Variants in BSDC1 observed in about 807,000 individuals in gnomAD.
BSDC1 encodes the protein BSD domain-containing protein 1.
Under a neutral mutation model 56.0 loss-of-function variants are expected in BSDC1, and 29 were observed. The observed-to-expected ratio is 0.52, with a 90% confidence interval of 0.39 to 0.71. The LOEUF is 0.71. Among genes scored for constraint, BSDC1 ranks in the 30% least tolerant of loss-of-function variants. The pLI is 0.00. For synonymous variants in BSDC1, 210 were observed against 215.3 expected (o/e 0.98, Z 0.21); for missense variants, 477 against 548.5 (o/e 0.87, Z 1.30).
chr1:32,376,301 C>T lies in BSDC1; in HGVS notation c.1117G>A (p.Asp373Asn), dbSNP rs763614691. The change falls in exon 9 of 11, where the codon GAT (aspartate) becomes AAT (asparagine). Residue 373 changes from aspartate to asparagine, a missense_variant. Transcript: ENST00000455895. Reference sequence around the variant, plus strand: ...TTGGAGGGTGTAGACTTCCCACTATCCGAGTTCAGCTCAAACACCCGTAAG... The same window carrying T: ...TTGGAGGGTGTAGACTTCCCACTATTCGAGTTCAGCTCAAACACCCGTAAG... ...TDLRVFELNS[D>N]SGKSTPSNNG... 6.3e-7 allele frequency: 1 copy of T among 1,576,722 alleles called. No individual in the cohort carries two copies. The highest frequency in any genetic ancestry group is 8.7e-7 in the Non-Finnish European group (1 of 1,155,344).
chr1:32,372,581 G>A (rs888609902), intron 9 of BSDC1, among the ~76,000 whole-genome samples: 1 of 152,228 alleles, frequency 6.6e-6, no homozygotes. Flanking sequence ...GAGCTGTGAA[G>A]CTGGGTTCTC....
At position 32,376,473 on chromosome 1, in the gene BSDC1, C is replaced by T; in HGVS notation, c.945G>A (p.Glu315=). The T allele has an allele frequency of 6.2e-7, 1 of 1,612,450 alleles. No individual in the cohort carries two copies. The highest frequency in any genetic ancestry group is 8.5e-7 in the Non-Finnish European group (1 of 1,178,752). ...CCACATCCACAGCCAGGCCCTGTTC[C>T]TCCAAGGATGCCTCTAGCAGCTTTT... ...LSQKLLEASL[E]EQGLAVDVGE... The change falls in exon 9 of 11, where the codon GAG becomes GAA. Residue 315 remains glutamate (E), a synonymous_variant. Transcript: ENST00000455895.
rs536651607 is a variant in BSDC1 at position 32,394,188 on chromosome 1, C to T, written c.12-48G>A. 7.6e-6 allele frequency: 12 copies of T among 1,588,724 alleles called. No homozygotes were observed. The East Asian group carries it at 1.4e-4, about 18-fold the overall frequency. On this transcript the variant is annotated intron_variant, in intron 1 of 10. Coordinates refer to ENST00000455895, the MANE Select transcript of BSDC1 (RefSeq NM_018045.8). ...GCAGCACCGCGGTGCGATTCCTGCC[C>T]GCCCAAGGATCCGGTTTGTTCCCCG...
intron 5 of BSDC1, among the ~76,000 whole-genome samples, chr1:32,379,978 G>A (rs565255050): frequency 6.6e-6 from 1 of 152,320 alleles, no homozygotes; most frequent in South Asian, 2.1e-4. Context: ...CTCTCTATGG[G>A]AGGGCTTTTT....
At chr1:32,391,148 CAA>C (rs944595311) in intron 2 of BSDC1, among the ~76,000 whole-genome samples, 1 of 151,976 alleles carries the variant, frequency 6.6e-6, no homozygotes, top group Non-Finnish European at 1.5e-5. Flanking sequence ...TCACAAATGC[CAA>C]GAGAGTAGCG....
rs558741156 is a variant in BSDC1, at chr1:32,366,239, G to A, written c.*383C>T. ...AGAGTATGTTGTCTCAGCTTCCTCC[G>A]AGAGAGACTGGTGGTTTAGCTTCTG... On this transcript the variant is annotated 3_prime_UTR_variant, in exon 11 of 11. Transcript: ENST00000455895. 6.0e-5 allele frequency: 23 copies of A among 381,990 alleles called. No individual in the cohort carries two copies. Among genetic ancestry groups the A allele is most frequent in the African/African-American group, 1.7e-4 (8 of 47,928 alleles). 23.7% of individuals were successfully genotyped at this position (381,990 alleles called of 1,614,324 possible).
chr1:32,383,540 C>A (rs1642560471), intron 4 of BSDC1, among the ~76,000 whole-genome samples: 1 of 151,358 alleles, frequency 6.6e-6, no homozygotes, highest in South Asian at 2.1e-4. Context: ...TATAAAATGT[C>A]TTTTTTGTTC....
Position 32,365,774 on chromosome 1 carries a change from G to A in BSDC1, c.*848C>T, listed in dbSNP as rs1458798030. The A allele has an allele frequency of 6.5e-6, 1 of 152,686 alleles. No individual in the cohort carries two copies. Among genetic ancestry groups the A allele is most frequent in the African/African-American group, 2.4e-5 (1 of 41,458 alleles). The allele number at this position is 152,686 out of a possible 1,614,324, so 9.5% of individuals were successfully genotyped here. A position where few individuals can be genotyped will look rare whatever the true frequency, so the allele number is the denominator to read the frequency against. On this transcript the variant is annotated 3_prime_UTR_variant, in exon 11 of 11. Transcript: ENST00000455895. ...GCTCTGTACCGCTGGTAGCTGTTTT[G>A]TGTCCTAAACTACAGGGGAGTTGAG...
Position 32,376,617 on chromosome 1 carries a change from T to G in BSDC1, c.801A>C (p.Ser267=). The G allele has an allele frequency of 6.8e-7, 1 of 1,461,456 alleles. No individual in the cohort carries two copies. The highest frequency in any genetic ancestry group is 1.9e-4 in the Middle Eastern group (1 of 5,342). 90.5% of individuals were successfully genotyped at this position (1,461,456 alleles called of 1,614,324 possible). The change falls in exon 9 of 11, where the codon TCA becomes TCC. Residue 267 remains serine, a synonymous_variant. Transcript: ENST00000455895. ...QSPCEENLVT[S]VEPPAEVTPS... The stretch of plus-strand genomic sequence containing the variant: ...GAGTCACCTCTGCTGGGGGCTCAAC[T>G]GAAGTCACCAGATTCTCTTCACAGG...
chr1:32,384,871 T>C (rs1642612602), intron 3 of BSDC1, among the ~76,000 whole-genome samples: 1 of 152,014 alleles, frequency 6.6e-6, no homozygotes, highest in Non-Finnish European at 1.5e-5. Flanking sequence ...AAAAAAAGAA[T>C]AAATGAATGA....
chr1:32,372,781 C>G (rs963770509), intron 9 of BSDC1, among the ~76,000 whole-genome samples: 6 of 152,178 alleles, frequency 3.9e-5, no homozygotes, highest in African/African-American at 1.4e-4. Context: ...CTGTCACTCA[C>G]AGCTCATTTT....
intron 10 of BSDC1, chr1:32,368,164 G>A (rs1002119702): frequency 9.8e-6 from 14 of 1,426,418 alleles, no homozygotes; most frequent in African/African-American, 7.2e-5. Context: ...GAGCCACCGC[G>A]CTCAGCATGA....
Position 32,378,007 on chromosome 1 carries a change from C to T in BSDC1, c.639G>A (p.Gln213=). ...RRDALKQRAE[Q]SISEEPGWEE... is the part of the protein sequence containing the mutation. The stretch of plus-strand genomic sequence containing the variant: ...CCCAGCCGGGCTCTTCAGAGATGCT[C>T]TGTTCCGCCCGCTGCTTCAGGGCGT... The change falls in exon 8 of 11, where the codon CAG becomes CAA. Residue 213 remains glutamine, a synonymous_variant. Transcript: ENST00000455895. This position sits in a 1 kb window ranked among gnomAD's most constrained non-coding sequence, Gnocchi z 5.2. 6.2e-7 allele frequency: 1 copy of T among 1,613,492 alleles called. No individual in the cohort carries two copies. The highest frequency in any genetic ancestry group is 8.5e-7 in the Non-Finnish European group (1 of 1,179,688).
chr1:32,394,437 T>C lies in BSDC1; in HGVS notation c.-23A>G, dbSNP rs1642983993. The C allele has an allele frequency of 6.2e-7, 1 of 1,614,104 alleles. No homozygotes were observed. Among genetic ancestry groups the C allele is most frequent in the Non-Finnish European group, 8.5e-7 (1 of 1,180,014 alleles). On this transcript the variant is annotated 5_prime_UTR_variant, in exon 1 of 11. In the 5' UTR this introduces an upstream ATG that the reference lacks. Transcript: ENST00000455895. ...CATCTTGCCTGCATGACATCACCAC[T>C]ATTTACTGACCTTTGACTTCCGACA...
At chr1:32,377,783 A>G (rs754968538) in intron 8 of BSDC1, among the ~76,000 whole-genome samples, 187 bp downstream of exon 8, 3 of 152,194 alleles carry the variant, frequency 2.0e-5, no homozygotes, top group Non-Finnish European at 4.4e-5. Flanking sequence ...CTGTAGCTAA[A>G]TCGGAATTCC....
chr1:32,392,345 A>C (rs555147734), intron 2 of BSDC1, among the ~76,000 whole-genome samples: 1 of 152,138 alleles, frequency 6.6e-6, no homozygotes, highest in East Asian at 1.9e-4. Context: ...AAACAAACAA[A>C]AAACAAAAAA....
At chr1:32,368,344 A>G in intron 10 of BSDC1, 103 bp downstream of exon 10, 3 of 1,613,934 alleles carry the variant, frequency 1.9e-6, no homozygotes, top group Non-Finnish European at 2.5e-6. Flanking sequence ...CACCTCAGAC[A>G]GGAGCAGGGA....
Position 32,378,185 on chromosome 1 carries a change from T to C in BSDC1, c.597+30A>G, listed in dbSNP as rs779673645. On this transcript the variant is annotated intron_variant, in intron 7 of 10. Coordinates refer to ENST00000455895, the MANE Select transcript of BSDC1 (RefSeq NM_018045.8). This position sits in a 1 kb window ranked among gnomAD's most constrained non-coding sequence, Gnocchi z 5.2. ...CCAGCCTGCTTCCCCCAGGGTTGAG[T>C]GGGGACCTCCCCATGCTAGACCAGC... is the stretch of plus-strand genomic sequence containing the variant. 6.2e-7 allele frequency: 1 copy of C among 1,612,610 alleles called. No individual in the cohort carries two copies. Among genetic ancestry groups the C allele is most frequent in the South Asian group, 1.1e-5 (1 of 91,058 alleles).
At position 32,378,139 on chromosome 1, in the gene BSDC1, C is replaced by G; in HGVS notation, c.597+76G>C. The G allele has an allele frequency of 6.2e-7, 1 of 1,605,114 alleles. No homozygotes were observed. The highest frequency in any genetic ancestry group is 8.5e-7 in the Non-Finnish European group (1 of 1,172,810). ...TCCCACAACTCTTGGCACCCTGTAT[C>G]CCTTTCTTCTCTCAATAAATCCAGC... is the stretch of plus-strand genomic sequence containing the variant. On this transcript the variant is annotated intron_variant, in intron 7 of 10. Coordinates refer to ENST00000455895, the MANE Select transcript of BSDC1 (RefSeq NM_018045.8). The surrounding 1 kb of genome is among the most constrained non-coding windows in gnomAD (Gnocchi z 5.2).
Sources: gnomAD v4.1 joint callset for allele counts (sites outside exome capture counted in the v4.1 genomes callset) on GRCh38, gnomAD v4.1.1 for gene constraint, Gnocchi (gnomAD v3.1) non-coding constraint, MANE v1.5 for transcripts, NCBI Gene and HGNC (gene_info 2026-07-23, HGNC 2026-07-21) for gene names.